Variants in WDR27 observed in about 807,000 individuals in gnomAD.
WDR27 encodes the protein WD repeat-containing protein 27.
A neutral mutation model predicts 114.4 loss-of-function variants in WDR27; 100 were observed. The ratio of observed to expected loss-of-function variants is 0.87; its 90% CI spans 0.74 to 1.03. The LOEUF is 1.03. Among genes scored for constraint, WDR27 ranks in the 50% least tolerant of loss-of-function variants. The pLI is 0.00. For synonymous variants in WDR27, 449 were observed against 423.1 expected (o/e 1.06, Z -0.75); for missense variants, 1,129 against 1,092.9 (o/e 1.03, Z -0.47).
intron 25 of WDR27, among the ~76,000 whole-genome samples, chr6:169,538,504 A>G (rs1433690482): frequency 1.3e-5 from 2 of 152,162 alleles, no homozygotes; most frequent in Admixed American, 1.3e-4. Flanking sequence ...ACAAGCTAAA[A>G]TGAAATTCTT....
At chr6:169,520,845 GA>G (rs1349927079) in intron 25 of WDR27, among the ~76,000 whole-genome samples, 12 of 151,840 alleles carry the variant, frequency 7.9e-5, no homozygotes, top group Non-Finnish European at 1.8e-4. Flanking sequence ...AGAAAAAAAG[GA>G]AAAAAATGAA....
chr6:169,632,831 A>G, intron 21 of WDR27, 116 bp downstream of exon 21: 1 of 991,732 alleles, frequency 1.0e-6, no homozygotes, highest in Non-Finnish European at 1.4e-6. Context: ...ATCAATAAAA[A>G]TTAACATTGA....
intron 25 of WDR27, among the ~76,000 whole-genome samples, chr6:169,562,677 G>C (rs1342458316): frequency 6.6e-6 from 1 of 152,198 alleles, no homozygotes; most frequent in Non-Finnish European, 1.5e-5. Context: ...GGGACATGGG[G>C]AGGGCACATG....
chr6:169,491,404 C>T (rs1438756098), intron 25 of WDR27, among the ~76,000 whole-genome samples: 1 of 151,988 alleles, frequency 6.6e-6, no homozygotes, highest in African/African-American at 2.4e-5. Context: ...ACCTCTTTTA[C>T]AGTTATATTA....
rs1283248624 is a variant in WDR27, at chr6:169,457,432, G to C, written c.*160C>G. 1.8e-5 allele frequency: 10 copies of C among 566,720 alleles called. No individual in the cohort carries two copies. Among genetic ancestry groups the C allele is most frequent in the African/African-American group, 1.5e-4 (8 of 52,088 alleles). The allele number at this position is 566,720 out of a possible 1,614,324, so 35.1% of individuals were successfully genotyped here. A position where few individuals can be genotyped will look rare whatever the true frequency, so the allele number is the denominator to read the frequency against. On this transcript the variant is annotated 3_prime_UTR_variant, in exon 26 of 26. Transcript: ENST00000448612. ...ATAAAACTCTGACATGGCACACACA[G>C]AGGGGAGGAGCTTGCAAACGGGGGA...
intron 25 of WDR27, among the ~76,000 whole-genome samples, chr6:169,514,686 G>T (rs1209753578): frequency 1.4e-5 from 2 of 147,550 alleles, no homozygotes; most frequent in African/African-American, 5.0e-5. Context: ...ATTTATTCTA[G>T]GAATAAAAGG....
chr6:169,680,237 G>A lies in WDR27; in HGVS notation c.190-7841C>T, dbSNP rs116055918. Reference sequence around the variant, plus strand: ...TGAAGAGCACCAAAAATATAATTACGTGGGTAGATGTGTAAGATATTTTTC... The same window carrying A: ...TGAAGAGCACCAAAAATATAATTACATGGGTAGATGTGTAAGATATTTTTC... On this transcript the variant is annotated intron_variant, in intron 2 of 25. Transcript: ENST00000448612. 5.0e-3 allele frequency among the ~76,000 whole-genome samples: 760 copies of A among 152,254 alleles called. 9 individuals are homozygous for A. Among genetic ancestry groups the A allele is most frequent in the African/African-American group, 0.017 (702 of 41,540 alleles).
chr6:169,495,772 C>T lies in WDR27; in HGVS notation c.2646-38138G>A, dbSNP rs374272006. On this transcript the variant is annotated intron_variant, in intron 25 of 25. Coordinates refer to ENST00000448612, the MANE Select transcript of WDR27 (RefSeq NM_182552.5). Reference sequence around the variant, plus strand: ...CTTATCAGTAGTAAGAATAATGAATCAGTAACCAAAAATTTCCACAAAGAA... The same window carrying T: ...CTTATCAGTAGTAAGAATAATGAATTAGTAACCAAAAATTTCCACAAAGAA... Among the ~76,000 whole-genome samples the T allele has an allele frequency of 1.3e-4, 20 of 151,812 alleles. No individual in the cohort carries two copies. In the South Asian group the frequency reaches 2.5e-3, roughly 19 times the overall value.
At chr6:169,614,076 G>A (rs1388283621) in intron 21 of WDR27, among the ~76,000 whole-genome samples, 1 of 152,166 alleles carries the variant, frequency 6.6e-6, no homozygotes, top group African/African-American at 2.4e-5. Flanking sequence ...CACTCAGCAG[G>A]CTCCTGCGAT....
At chr6:169,598,283 C>T (rs1291950615) in intron 23 of WDR27, among the ~76,000 whole-genome samples, 1 of 152,192 alleles carries the variant, frequency 6.6e-6, no homozygotes, top group African/African-American at 2.4e-5. Context: ...ATACCTGAAA[C>T]TGCGTAATAT....
At chr6:169,440,886 T>C in the WDR27 span, among the ~76,000 whole-genome samples, 1 of 152,248 alleles carries the variant, frequency 6.6e-6, no homozygotes, top group Non-Finnish European at 1.5e-5. Context: ...ACTTCCTCTA[T>C]GGCTTTTTCA....
chr6:169,658,185 C>T, intron 13 of WDR27, 91 bp downstream of exon 13: 4 of 997,226 alleles, frequency 4.0e-6, no homozygotes, highest in South Asian at 1.4e-5. Context: ...CATATTTTAA[C>T]ATAAGAATTC....
intron 21 of WDR27, among the ~76,000 whole-genome samples, chr6:169,619,322 T>C (rs769208646): frequency 2.0e-5 from 3 of 152,222 alleles, no homozygotes; most frequent in Admixed American, 6.5e-5. Context: ...GGCCAACTTG[T>C]AAAAACAGTC....
intron 25 of WDR27, among the ~76,000 whole-genome samples, chr6:169,570,700 G>C (rs563025971): frequency 2.6e-5 from 4 of 152,244 alleles, no homozygotes; most frequent in African/African-American, 4.8e-5. Context: ...GTGGTGGCGG[G>C]CACCTGTAAT....
At chr6:169,589,992 A>G (rs1369871502) in intron 23 of WDR27, among the ~76,000 whole-genome samples, 1 of 22,780 alleles carries the variant, frequency 4.4e-5, no homozygotes, top group African/African-American at 1.3e-4. Context: ...GCAAAAGATG[A>G]GGATGTGGCA....
intron 24 of WDR27, among the ~76,000 whole-genome samples, chr6:169,575,653 T>C (rs1473404232): frequency 3.9e-5 from 6 of 152,200 alleles, no homozygotes; most frequent in Non-Finnish European, 8.8e-5. Flanking sequence ...GCACTTTACA[T>C]GTTAATATGC....
the WDR27 span, among the ~76,000 whole-genome samples, chr6:169,446,082 G>A: frequency 1.3e-5 from 2 of 152,266 alleles, no homozygotes; most frequent in Admixed American, 6.5e-5. Flanking sequence ...CTTCTTGTAC[G>A]TGAGGCAGGA....
intron 25 of WDR27, among the ~76,000 whole-genome samples, chr6:169,547,057 T>C (rs771920495): frequency 1.5e-4 from 23 of 152,294 alleles, no homozygotes; most frequent in Non-Finnish European, 2.5e-4. Flanking sequence ...AACAACTTTA[T>C]GCCCATAAAT....
chr6:169,649,265 A>C lies in WDR27; in HGVS notation c.1492T>G (p.Phe498Val). 6.4e-7 allele frequency: 1 copy of C among 1,571,222 alleles called. No homozygotes were observed. Among genetic ancestry groups the C allele is most frequent in the Non-Finnish European group, 8.6e-7 (1 of 1,157,176 alleles). ...CTCTTGATGTTGGTCTTTGGTGAAA[A>C]CATAGTTACACTGTGGAAAGAAAAC... ...GYASAPHVTM[F>V]SPKTNIKSEG... Residue 498 changes from phenylalanine to valine, a missense_variant, in exon 15 of 26, where the codon TTT becomes GTT. Coordinates refer to ENST00000448612, the MANE Select transcript of WDR27 (RefSeq NM_182552.5).
Sources: gnomAD v4.1 joint callset for allele counts (sites outside exome capture counted in the v4.1 genomes callset) on GRCh38, gnomAD v4.1.1 for gene constraint, MANE v1.5 for transcripts, NCBI Gene and HGNC (gene_info 2026-07-23, HGNC 2026-07-21) for gene names.